Variants in CAMK1D observed in about 807,000 individuals in gnomAD.
CAMK1D encodes calcium/calmodulin-dependent protein kinase type 1D.
CAMK1D carries 9 observed loss-of-function variants against 47.7 expected under a neutral mutation model. The ratio of observed to expected loss-of-function variants is 0.19; its 90% CI spans 0.11 to 0.33. CAMK1D has a LOEUF of 0.33. CAMK1D is among the 10% of genes least tolerant of loss of function. The probability of loss-of-function intolerance (pLI) is 1.00; values close to 1 mark genes in which losing one functional copy is unlikely to be tolerated. For missense variants in CAMK1D, 291 were observed against 488.7 expected (o/e 0.60, Z 3.81); for synonymous variants, 184 against 184.9 (o/e 0.99, Z 0.04).
chr10:12,596,051 T>C (rs1400210069), intron 2 of CAMK1D, among the ~76,000 whole-genome samples: 1 of 151,758 alleles, frequency 6.6e-6, no homozygotes, highest in Non-Finnish European at 1.5e-5. Context: ...TAAGACACCC[T>C]AAAAGGGGTG....
At chr10:12,626,599 A>G (rs1839224530) in intron 2 of CAMK1D, among the ~76,000 whole-genome samples, 1 of 150,946 alleles carries the variant, frequency 6.6e-6, no homozygotes. Flanking sequence ...TCAGCCTCCT[A>G]AGCAGCTAGG....
intron 1 of CAMK1D, among the ~76,000 whole-genome samples, chr10:12,539,944 A>C (rs1836111198): frequency 6.6e-6 from 1 of 152,110 alleles, no homozygotes; most frequent in Non-Finnish European, 1.5e-5. Flanking sequence ...ACAGGGTCTC[A>C]CTCTGTCACA....
chr10:12,683,581 A>C (rs1832534678), intron 3 of CAMK1D, among the ~76,000 whole-genome samples: 2 of 151,774 alleles, frequency 1.3e-5, no homozygotes, highest in Admixed American at 1.3e-4. Context: ...TTTTATCATG[A>C]TTTATTTTGC....
At chr10:12,418,022 G>A (rs190577838) in intron 1 of CAMK1D, among the ~76,000 whole-genome samples, 2 of 152,094 alleles carry the variant, frequency 1.3e-5, no homozygotes, top group South Asian at 2.1e-4. Flanking sequence ...GGCTGGTCTC[G>A]AACTCCTGAC....
At chr10:12,574,520 G>T (rs1381239951) in intron 2 of CAMK1D, among the ~76,000 whole-genome samples, 2 of 110,520 alleles carry the variant, frequency 1.8e-5, no homozygotes, top group African/African-American at 3.6e-5. Flanking sequence ...GCTTCGCCAT[G>T]TTGCCCAGGC....
intron 1 of CAMK1D, among the ~76,000 whole-genome samples, chr10:12,442,580 C>G (rs1832814017): frequency 6.6e-6 from 1 of 152,180 alleles, no homozygotes. Context: ...TTGCAAAGCC[C>G]TTCTATACAT....
chr10:12,813,125 A>G (rs1031920481), intron 6 of CAMK1D, among the ~76,000 whole-genome samples: 1 of 152,216 alleles, frequency 6.6e-6, no homozygotes, highest in South Asian at 2.1e-4. Flanking sequence ...AGTCACTTGC[A>G]CCAGCATTAA....
intron 1 of CAMK1D, among the ~76,000 whole-genome samples, chr10:12,462,942 G>GCCTA (rs1429092051): frequency 6.6e-6 from 1 of 152,178 alleles, no homozygotes; most frequent in Non-Finnish European, 1.5e-5. Context: ...GCAGGGCAGA[G>GCCTA]CCTAGCAGCA....
intron 3 of CAMK1D, among the ~76,000 whole-genome samples, chr10:12,758,939 C>T (rs1444457213): frequency 6.6e-6 from 1 of 152,204 alleles, no homozygotes; most frequent in Non-Finnish European, 1.5e-5. Flanking sequence ...AGGGCATAAT[C>T]GTAACAGACG....
chr10:12,621,807 GTGTGTGTA>G (rs1839007141), intron 2 of CAMK1D, among the ~76,000 whole-genome samples: 1 of 152,046 alleles, frequency 6.6e-6, no homozygotes, highest in Non-Finnish European at 1.5e-5. Flanking sequence ...CTAGTTGTGT[GTGTGTGTA>G]TGTGTGTGTG....
chr10:12,433,153 C>T (rs188887411), intron 1 of CAMK1D, among the ~76,000 whole-genome samples: 14 of 152,336 alleles, frequency 9.2e-5, no homozygotes, highest in African/African-American at 3.1e-4. Flanking sequence ...CAGAATTGCT[C>T]TCTTTATGCT....
intron 3 of CAMK1D, among the ~76,000 whole-genome samples, chr10:12,734,507 C>CAT (rs575253382): frequency 2.2e-3 from 311 of 140,748 alleles, no homozygotes; most frequent in African/African-American, 7.9e-3. Flanking sequence ...TATACACACA[C>CAT]ACATATATAT....
intron 1 of CAMK1D, among the ~76,000 whole-genome samples, chr10:12,501,010 C>G (rs1834686085): frequency 6.6e-6 from 1 of 152,188 alleles, no homozygotes; most frequent in South Asian, 2.1e-4. Flanking sequence ...GTGCCAAAGA[C>G]CTCTGGGCTA....
chr10:12,457,193 C>A (rs1833276384), intron 1 of CAMK1D, among the ~76,000 whole-genome samples: 1 of 152,036 alleles, frequency 6.6e-6, no homozygotes, highest in South Asian at 2.1e-4. Context: ...GAGTTCGAGA[C>A]CAGCCTGACC....
intron 3 of CAMK1D, among the ~76,000 whole-genome samples, chr10:12,698,684 T>TTTTTTC (rs1425809216): frequency 7.0e-6 from 1 of 143,522 alleles, no homozygotes; most frequent in African/African-American, 2.6e-5. Context: ...TTTTTTTTTT[T>TTTTTTC]TTTTTTTGAG....
intron 2 of CAMK1D, among the ~76,000 whole-genome samples, chr10:12,610,176 G>A (rs1235830807): frequency 6.6e-6 from 1 of 152,180 alleles, no homozygotes. Context: ...AGGAAGGGAT[G>A]TTCATAGACC....
intron 2 of CAMK1D, among the ~76,000 whole-genome samples, chr10:12,593,292 T>C (rs1010743733): frequency 2.0e-5 from 3 of 152,164 alleles, no homozygotes; most frequent in Admixed American, 6.5e-5. Context: ...TGAAGCTTCT[T>C]AAAGGTAAGA....
At chr10:12,768,849 A>G (rs1468430017) in intron 4 of CAMK1D, among the ~76,000 whole-genome samples, 1 of 152,210 alleles carries the variant, frequency 6.6e-6, no homozygotes, top group Non-Finnish European at 1.5e-5. Flanking sequence ...CCAATTCTAC[A>G]TAAAACACGA....
intron 5 of CAMK1D, among the ~76,000 whole-genome samples, chr10:12,784,458 A>C (rs1837632531): frequency 2.0e-5 from 3 of 152,160 alleles, no homozygotes; most frequent in Admixed American, 2.0e-4. Flanking sequence ...TTGGCCTCCC[A>C]AAGTGCTGGG....
Sources: gnomAD v4.1 joint callset for allele counts (sites outside exome capture counted in the v4.1 genomes callset) on GRCh38, gnomAD v4.1.1 for gene constraint, MANE v1.5 for transcripts, NCBI Gene and HGNC (gene_info 2026-07-23, HGNC 2026-07-21) for gene names.